Variants in NHS observed in about 807,000 individuals in gnomAD.
NHS encodes the protein actin remodeling regulator NHS.
Under a neutral mutation model 72.5 loss-of-function variants are expected in NHS, and 5 were observed. That is an observed-to-expected ratio of 0.07 (90% CI 0.04 to 0.14). The LOEUF (loss-of-function observed/expected upper bound fraction) is 0.14. NHS is among the 10% of genes least tolerant of loss of function. NHS has a pLI of 1.00. For synonymous variants in NHS, 464 were observed against 547.7 expected (o/e 0.85, Z 2.13); for missense variants, 1,072 against 1,355.7 (o/e 0.79, Z 3.29).
At chrX:17,695,272 G>GTGTT (rs1224226622) in intron 3 of NHS, among the ~76,000 whole-genome samples, 2 of 111,920 alleles carry the variant, frequency 1.8e-5, no homozygotes, top group Non-Finnish European at 3.8e-5. Flanking sequence ...ATTCACTAGG[G>GTGTT]TGTTCATCAA....
At chrX:17,589,734 T>C (rs1342237858) in intron 1 of NHS, among the ~76,000 whole-genome samples, 2 of 111,909 alleles carry the variant, frequency 1.8e-5, no homozygotes, top group Non-Finnish European at 3.8e-5. Flanking sequence ...AGATCTACTT[T>C]TAGTTCTTTA....
chrX:17,521,653 A>G (rs1210903969), intron 1 of NHS, among the ~76,000 whole-genome samples: 2 of 111,676 alleles, frequency 1.8e-5, no homozygotes, highest in Admixed American at 1.9e-4. Context: ...GTGAGCCACC[A>G]TGCCTGGCCT....
At chrX:17,443,321 T>C (rs1024717701) in intron 1 of NHS, among the ~76,000 whole-genome samples, 1 of 111,914 alleles carries the variant, frequency 8.9e-6, no homozygotes, top group East Asian at 2.8e-4. Flanking sequence ...CTGAGGCCAA[T>C]ATAGATAGAG....
intron 1 of NHS, among the ~76,000 whole-genome samples, chrX:17,665,785 G>A (rs924607565): frequency 3.6e-5 from 4 of 112,075 alleles, no homozygotes; most frequent in Non-Finnish European, 5.6e-5. Context: ...GAAGCCATCT[G>A]GGTCTGGAAT....
intron 3 of NHS, among the ~76,000 whole-genome samples, chrX:17,712,288 TATACACAC>T (rs2066337416): frequency 1.3e-5 from 1 of 74,161 alleles, no homozygotes; most frequent in African/African-American, 5.3e-5. Flanking sequence ...TATATATATA[TATACACAC>T]ACACACACAC....
chrX:17,375,672 C>A lies in NHS; in HGVS notation c.-86C>A. On this transcript the variant is annotated 5_prime_UTR_variant, in exon 1 of 9. Transcript: ENST00000676302. ...ATCGCGCTTTTGCCGGACTCCTGCCCCCTCCCTGCTCAGGTGGGCGCGCCC... is the reference window on the plus strand; with the variant it reads ...ATCGCGCTTTTGCCGGACTCCTGCCACCTCCCTGCTCAGGTGGGCGCGCCC... 1 of 1,034,994 alleles carries A rather than the reference C, an allele frequency of 9.7e-7. No individual in the cohort carries two copies. The highest frequency in any genetic ancestry group is 1.3e-6 in the Non-Finnish European group (1 of 767,774). The allele number at this position is 1,034,994 out of a possible 1,213,427, so 85.3% of individuals were successfully genotyped here.
chrX:17,512,400 T>C (rs1446312641), intron 1 of NHS, among the ~76,000 whole-genome samples: 1 of 112,082 alleles, frequency 8.9e-6, no homozygotes, highest in Non-Finnish European at 1.9e-5. Flanking sequence ...GAAGGTGGCT[T>C]GTGGAAGTGG....
At chrX:17,537,109 A>G (rs138333634) in intron 1 of NHS, among the ~76,000 whole-genome samples, 249 of 112,469 alleles carry the variant, frequency 2.2e-3, no homozygotes, top group African/African-American at 7.2e-3. Flanking sequence ...AATTTACAAA[A>G]AAAGGATAAG....
chrX:17,704,653 G>A (rs1309795193), intron 3 of NHS, among the ~76,000 whole-genome samples: 2 of 111,626 alleles, frequency 1.8e-5, no homozygotes, highest in Non-Finnish European at 3.8e-5. Flanking sequence ...GACTGACTGG[G>A]CAGAATGGAG....
intron 1 of NHS, among the ~76,000 whole-genome samples, chrX:17,397,427 A>AG (rs2146849838): frequency 9.0e-6 from 1 of 111,630 alleles, no homozygotes; most frequent in African/African-American, 3.3e-5. Flanking sequence ...ACTGCCCATG[A>AG]GGGAGGGTGA....
chrX:17,481,430 A>AT (rs895655683), intron 1 of NHS, among the ~76,000 whole-genome samples: 6 of 110,508 alleles, frequency 5.4e-5, no homozygotes, highest in African/African-American at 9.9e-5. Context: ...GAAGTAATCT[A>AT]TTTTTTTTCC....
At chrX:17,724,103 G>A (rs915191249) in intron 5 of NHS, among the ~76,000 whole-genome samples, 196 bp from the exon 6 acceptor site, 3 of 111,833 alleles carry the variant, frequency 2.7e-5, no homozygotes, top group Admixed American at 9.5e-5. Context: ...CTGTTGTGGA[G>A]AGCTGCATTT....
intron 1 of NHS, among the ~76,000 whole-genome samples, chrX:17,583,624 T>G (rs1008187202): frequency 8.9e-6 from 1 of 112,128 alleles, no homozygotes. Context: ...CGAGGAGGAA[T>G]TCCCTCAGCA....
intron 1 of NHS, among the ~76,000 whole-genome samples, chrX:17,442,469 C>T (rs1018923349): frequency 3.6e-5 from 4 of 112,534 alleles, no homozygotes; most frequent in African/African-American, 6.5e-5. Flanking sequence ...CAGTTACACA[C>T]CTCTACTTAA....
Position 17,721,448 on chromosome X carries a change from C to T in NHS, c.923C>T (p.Pro308Leu). The change falls in exon 5 of 9, where the codon CCC becomes CTC. Residue 308 changes from proline to leucine, a missense_variant. Coordinates refer to ENST00000676302, the MANE Select transcript of NHS (RefSeq NM_001291867.2). ...HMTPWSRKSHPPEDEDTDVML... is the reference protein window; with the variant it reads ...HMTPWSRKSHLPEDEDTDVML... ...ATTGTACTTTGTTTGCAGTCCCATC[C>T]CCCAGAGGATGAAGATACAGATGTC... The T allele has an allele frequency of 8.3e-7, 1 of 1,210,977 alleles. No homozygotes were observed. The highest frequency in any genetic ancestry group is 1.1e-6 in the Non-Finnish European group (1 of 895,049).
At chrX:17,687,383 T>A (rs2066168844) in intron 1 of NHS, 1 of 246,229 alleles carries the variant, frequency 4.1e-6, no homozygotes, top group Non-Finnish European at 7.5e-6. Flanking sequence ...TCCTCCACAT[T>A]TTTCAGAAAC....
chrX:17,584,578 C>G (rs192022538), intron 1 of NHS, among the ~76,000 whole-genome samples: 2 of 112,401 alleles, frequency 1.8e-5, no homozygotes, highest in Admixed American at 1.9e-4. Flanking sequence ...GTGATATGAA[C>G]AAACCTTGTT....
At chrX:17,616,846 A>T (rs956152690) in intron 1 of NHS, among the ~76,000 whole-genome samples, 19 of 112,521 alleles carry the variant, frequency 1.7e-4, no homozygotes, top group Admixed American at 1.2e-3. Context: ...TTCTTTGGAC[A>T]TACTAGCCTT....
intron 1 of NHS, among the ~76,000 whole-genome samples, chrX:17,559,474 T>C (rs1265316726): frequency 8.9e-6 from 1 of 111,859 alleles, no homozygotes; most frequent in Non-Finnish European, 1.9e-5. Flanking sequence ...TGCACCCCCA[T>C]TGAAGAAAAA....
Sources: gnomAD v4.1 joint callset for allele counts (sites outside exome capture counted in the v4.1 genomes callset) on GRCh38, gnomAD v4.1.1 for gene constraint, MANE v1.5 for transcripts, NCBI Gene and HGNC (gene_info 2026-07-23, HGNC 2026-07-21) for gene names.